IQGAP2: variants seen among roughly 807,000 people sequenced by gnomAD.
The protein encoded by IQGAP2 is ras GTPase-activating-like protein IQGAP2.
In IQGAP2, 173 loss-of-function variants were observed where a neutral mutation model predicts 201.3. That is an observed-to-expected ratio of 0.86 (90% CI 0.76 to 0.98). The LOEUF (loss-of-function observed/expected upper bound fraction) is 0.98. Among genes scored for constraint, IQGAP2 ranks in the 50% least tolerant of loss-of-function variants. The pLI is 0.00. For synonymous variants in IQGAP2, 675 were observed against 673.9 expected (o/e 1.00, Z -0.03); for missense variants, 1,687 against 1,864.8 (o/e 0.90, Z 1.76).
chr5:76,415,093 G>T (rs1388305918), intron 1 of IQGAP2, among the ~76,000 whole-genome samples: 1 of 152,208 alleles, frequency 6.6e-6, no homozygotes, highest in Non-Finnish European at 1.5e-5. Flanking sequence ...TTTAGAAGTT[G>T]CCTTTGGGAA....
At chr5:76,414,009 T>A (rs1322662112) in intron 1 of IQGAP2, among the ~76,000 whole-genome samples, 1 of 152,232 alleles carries the variant, frequency 6.6e-6, no homozygotes, top group African/African-American at 2.4e-5. Flanking sequence ...AAATTTTGTG[T>A]TCATAAGCTC....
At chr5:76,671,698 A>T in intron 23 of IQGAP2, 61 bp from the exon 24 acceptor site, 1 of 1,275,802 alleles carries the variant, frequency 7.8e-7, no homozygotes, top group Non-Finnish European at 1.1e-6. Flanking sequence ...GGAAAAAAAA[A>T]AAAAAAAAAA....
At chr5:76,689,241 A>AC (rs1746054181) in intron 30 of IQGAP2, among the ~76,000 whole-genome samples, 2 of 149,036 alleles carry the variant, frequency 1.3e-5, no homozygotes, top group Admixed American at 1.3e-4. Context: ...AAAAAAAAAA[A>AC]AAAAAAAAAA....
At chr5:76,538,616 C>T (rs1219822436) in intron 2 of IQGAP2, among the ~76,000 whole-genome samples, 1 of 152,198 alleles carries the variant, frequency 6.6e-6, no homozygotes, top group Admixed American at 6.5e-5. Context: ...GAGTCTCACT[C>T]AATTCATTGG....
At position 76,661,208 on chromosome 5, in the gene IQGAP2, A is replaced by T. The variant is rs763802835; in HGVS notation, c.2529+2541A>T. On this transcript the variant is annotated intron_variant, in intron 21 of 35. Coordinates refer to ENST00000274364, the MANE Select transcript of IQGAP2 (RefSeq NM_006633.5). ...AGAACAATGCTAGCTCTTGCTAGTA[A>T]CCTTAACATTTTTTATAGTTCTTTT... 8.5e-5 allele frequency among the ~76,000 whole-genome samples: 11 copies of T among 129,686 alleles called. No homozygotes were observed. The Middle Eastern group carries it at 0.011, about 133-fold the overall frequency. The allele number at this position is 129,686 out of a possible 152,430, so 85.1% of individuals were successfully genotyped here. A position where few individuals can be genotyped will look rare whatever the true frequency, so the allele number is the denominator to read the frequency against.
At chr5:76,619,514 C>CCTTTTTTTTTTTTT (rs1561518620) in intron 13 of IQGAP2, among the ~76,000 whole-genome samples, 1 of 104,266 alleles carries the variant, frequency 9.6e-6, no homozygotes. Context: ...TAAGGATCTT[C>CCTTTTTTTTTTTTT]TTTTTTTTTT....
intron 1 of IQGAP2, among the ~76,000 whole-genome samples, chr5:76,456,387 T>C (rs1754085286): frequency 1.3e-5 from 2 of 152,226 alleles, no homozygotes; most frequent in Admixed American, 1.3e-4. Context: ...TGTAGTCCTT[T>C]AAAGCTTAAG....
At chr5:76,514,198 A>G (rs1213055054) in intron 2 of IQGAP2, among the ~76,000 whole-genome samples, 1 of 151,550 alleles carries the variant, frequency 6.6e-6, no homozygotes, top group Non-Finnish European at 1.5e-5. Context: ...TAATTTTTGT[A>G]TTTTTAATAC....
At chr5:76,482,998 C>T (rs567707461) in intron 2 of IQGAP2, among the ~76,000 whole-genome samples, 4 of 152,210 alleles carry the variant, frequency 2.6e-5, no homozygotes, top group South Asian at 4.2e-4. Context: ...AAAAATTAAG[C>T]GCTACATTGC....
At position 76,641,014 on chromosome 5, in the gene IQGAP2, G is replaced by A; in HGVS notation, c.2005G>A (p.Ala669Thr). 6.2e-7 allele frequency: 1 copy of A among 1,611,194 alleles called. No homozygotes were observed. Among genetic ancestry groups the A allele is most frequent in the Non-Finnish European group, 8.5e-7 (1 of 1,177,614 alleles). Reference protein sequence around the residue: ...ASEELLLRFQATSSGPILREE... With the variant: ...ASEELLLRFQTTSSGPILREE... ...AGAAGAGTTGCTTCTTCGCTTTCAA[G>A]CCACAAGCTCAGGACCCATCCTTAG... Residue 669 changes from alanine to threonine, a missense_variant, in exon 17 of 36, where the codon GCC becomes ACC. Coordinates refer to ENST00000274364, the MANE Select transcript of IQGAP2 (RefSeq NM_006633.5).
In IQGAP2 at chr5:76,681,720, C is replaced by T. The variant is rs113763963; in HGVS notation, c.3661-1395C>T. 2.0e-3 allele frequency among the ~76,000 whole-genome samples: 298 copies of T among 152,068 alleles called. 1 individual carries two copies. The highest frequency in any genetic ancestry group is 6.7e-3 in the African/African-American group (277 of 41,468). ...TAAAAAAAATTAAACATAGAATTAC[C>T]TCATAATCTAACAGTTCCACTTCTG... On this transcript the variant is annotated intron_variant, in intron 28 of 35. Coordinates refer to ENST00000274364, the MANE Select transcript of IQGAP2 (RefSeq NM_006633.5).
At position 76,623,395 on chromosome 5, in the gene IQGAP2, C is replaced by A. The variant is rs930728871; in HGVS notation, c.1522-4015C>A. The A allele has an allele frequency of 7.2e-6, 5 of 696,430 alleles. No individual in the cohort carries two copies. The African/African-American group carries it at 9.0e-5, about 13-fold the overall frequency. 43.1% of individuals were successfully genotyped at this position (696,430 alleles called of 1,614,324 possible). A position where few individuals can be genotyped will look rare whatever the true frequency, so the allele number is the denominator to read the frequency against. ...GCAGGAAACTTGCCCTGGTCCTCCGCAGGGAAAGGATGTAATCCACTCGAT... is the reference window on the plus strand; with the variant it reads ...GCAGGAAACTTGCCCTGGTCCTCCGAAGGGAAAGGATGTAATCCACTCGAT... On this transcript the variant is annotated intron_variant, in intron 13 of 35. Coordinates refer to ENST00000274364, the MANE Select transcript of IQGAP2 (RefSeq NM_006633.5).
chr5:76,416,548 C>T (rs1031192483), intron 1 of IQGAP2, among the ~76,000 whole-genome samples: 20 of 139,962 alleles, frequency 1.4e-4, no homozygotes, highest in Admixed American at 3.4e-4. Context: ...TTTTTTGAGA[C>T]GGAGTCTCAC....
intron 2 of IQGAP2, among the ~76,000 whole-genome samples, chr5:76,494,758 T>C (rs2150159294): frequency 6.6e-6 from 1 of 152,320 alleles, no homozygotes; most frequent in Middle Eastern, 3.4e-3. Flanking sequence ...CATACACATA[T>C]ACACTCAACC....
rs374960518 is a variant in IQGAP2 at position 76,403,810 on chromosome 5, C to G, written c.46+219C>G. On this transcript the variant is annotated intron_variant, in intron 1 of 35. Coordinates refer to ENST00000274364, the MANE Select transcript of IQGAP2 (RefSeq NM_006633.5). The surrounding 1 kb of genome is among the most constrained non-coding windows in gnomAD (Gnocchi z 4.8). The stretch of plus-strand genomic sequence containing the variant: ...AATTCCTAATATCCAGCTGGCAACC[C>G]AGACCCTCCACTCCGCATACCCAAA... 2.2e-4 allele frequency among the ~76,000 whole-genome samples: 33 copies of G among 152,154 alleles called. No individual in the cohort carries two copies. The highest frequency in any genetic ancestry group is 7.9e-4 in the African/African-American group (33 of 41,530).
chr5:76,455,309 C>T (rs1318948490), intron 1 of IQGAP2, among the ~76,000 whole-genome samples: 1 of 152,020 alleles, frequency 6.6e-6, no homozygotes, highest in Middle Eastern at 3.4e-3. Flanking sequence ...AAAATTTAGC[C>T]TGGCATGGTG....
intron 1 of IQGAP2, among the ~76,000 whole-genome samples, chr5:76,460,997 G>A (rs929702974): frequency 1.3e-5 from 2 of 150,432 alleles, no homozygotes; most frequent in African/African-American, 4.9e-5. Flanking sequence ...TCTTGCCTCA[G>A]CCTCCCAAGT....
chr5:76,600,858 C>T lies in IQGAP2; in HGVS notation c.1118C>T (p.Ser373Phe). 6.2e-7 allele frequency: 1 copy of T among 1,614,146 alleles called. No homozygotes were observed. Among genetic ancestry groups the T allele is most frequent in the Non-Finnish European group, 8.5e-7 (1 of 1,179,998 alleles). The part of the protein sequence containing the change: ...EELLIAVEML[S>F]AVALLNQALE... ...CTTTTGATTGCTGTGGAAATGTTGTCTGCTGTTGCTTTACTAAACCAGGCC... is the reference window on the plus strand; with the variant it reads ...CTTTTGATTGCTGTGGAAATGTTGTTTGCTGTTGCTTTACTAAACCAGGCC... Residue 373 changes from serine (S) to phenylalanine (F), a missense_variant, in exon 11 of 36, where the codon TCT becomes TTT. Ser to Phe is a radical substitution (Grantham distance 155). Transcript: ENST00000274364.
chr5:76,618,949 G>A (rs1321328898), intron 13 of IQGAP2, among the ~76,000 whole-genome samples: 1 of 152,160 alleles, frequency 6.6e-6, no homozygotes, highest in Admixed American at 6.5e-5. Flanking sequence ...AACTATACAG[G>A]CATTCAGACA....
Sources: allele counts gnomAD v4.1 joint callset (sites outside exome capture counted in the v4.1 genomes callset), GRCh38; gene constraint gnomAD v4.1.1; non-coding constraint Gnocchi (gnomAD v3.1); transcripts MANE v1.5; gene names NCBI Gene and HGNC (gene_info 2026-07-23, HGNC 2026-07-21).